Variants in RANGAP1 observed in about 807,000 individuals in gnomAD.
RANGAP1 encodes ran GTPase-activating protein 1.
Under a neutral mutation model 63.5 loss-of-function variants are expected in RANGAP1, and 38 were observed. The ratio of observed to expected loss-of-function variants is 0.60; its 90% CI spans 0.46 to 0.78. RANGAP1 has a LOEUF of 0.78. Among genes scored for constraint, RANGAP1 ranks in the 30% least tolerant of loss-of-function variants. The pLI, the probability that RANGAP1 is intolerant of heterozygous loss-of-function variation, is 0.00. For missense variants in RANGAP1, 630 were observed against 740.3 expected (o/e 0.85, Z 1.73); for synonymous variants, 329 against 310.5 (o/e 1.06, Z -0.63).
chr22:41,248,129 G>A (rs1383196347), intron 15 of RANGAP1, among the ~76,000 whole-genome samples: 1 of 136,922 alleles, frequency 7.3e-6, no homozygotes, highest in East Asian at 2.5e-4. Context: ...GCAAAGCTCG[G>A]CACTGCAGCA....
At chr22:41,297,356 T>C in the RANGAP1 span, among the ~76,000 whole-genome samples, 1 of 152,140 alleles carries the variant, frequency 6.6e-6, no homozygotes, top group African/African-American at 2.4e-5. Context: ...GGGAGGACAA[T>C]CAGCTTTACT....
intron 1 of RANGAP1, among the ~76,000 whole-genome samples, chr22:41,284,441 C>T (rs1227765990): frequency 6.6e-6 from 1 of 151,894 alleles, no homozygotes; most frequent in Admixed American, 6.6e-5. Context: ...GTGGCACATG[C>T]CTGTAATCCC....
At chr22:41,249,269 C>A (rs999114638) in intron 15 of RANGAP1, 61 bp downstream of exon 15, 1 of 1,526,692 alleles carries the variant, frequency 6.6e-7, no homozygotes, top group African/African-American at 1.4e-5. Context: ...CGGGCGCCTT[C>A]AGACCTGGCC....
chr22:41,249,546 A>G lies in RANGAP1; in HGVS notation c.1573-95T>C, dbSNP rs1447986723. On this transcript the variant is annotated intron_variant, in intron 14 of 15. Coordinates refer to ENST00000356244, the MANE Select transcript of RANGAP1 (RefSeq NM_002883.4). ...CCAGACTCTGCTGATAGTGCCCACA[A>G]CTGAGTCTAGCCGGAATCTCATCGT... 3.8e-6 allele frequency: 6 copies of G among 1,577,602 alleles called. No homozygotes were observed. In the African/African-American group the frequency reaches 6.7e-5, roughly 18 times the overall value.
chr22:41,278,515 ACGGTG>A (rs2145835459), intron 2 of RANGAP1, among the ~76,000 whole-genome samples: 1 of 152,362 alleles, frequency 6.6e-6, no homozygotes, highest in East Asian at 1.9e-4. Flanking sequence ...CTTATCTGAC[ACGGTG>A]TTCAATAAAT....
intron 2 of RANGAP1, among the ~76,000 whole-genome samples, chr22:41,276,034 C>G (rs575964764): frequency 6.6e-6 from 1 of 152,252 alleles, no homozygotes; most frequent in Non-Finnish European, 1.5e-5. Flanking sequence ...ATAGTTATAC[C>G]AGCACTGCTA....
rs2033814627 is a variant in RANGAP1 at position 41,256,109 on chromosome 22, C to A, written c.989-4G>T. On this transcript the variant is annotated splice_polypyrimidine_tract_variant and splice_region_variant and intron_variant, in intron 9 of 15. Transcript: ENST00000356244. ...CCTTCTTCTCCCAGGGTGTTGCCTGCTCAAGGGGAGGGAAGAGCAGTCAGC... is the reference window on the plus strand; with the variant it reads ...CCTTCTTCTCCCAGGGTGTTGCCTGATCAAGGGGAGGGAAGAGCAGTCAGC... 6.2e-7 allele frequency: 1 copy of A among 1,614,118 alleles called. No homozygotes were observed. Among genetic ancestry groups the A allele is most frequent in the Non-Finnish European group, 8.5e-7 (1 of 1,180,010 alleles).
At chr22:41,284,359 G>T (rs1374524234) in intron 1 of RANGAP1, among the ~76,000 whole-genome samples, 1 of 152,120 alleles carries the variant, frequency 6.6e-6, no homozygotes, top group Non-Finnish European at 1.5e-5. Context: ...CCTGAGGTCG[G>T]GAGTTCGAGA....
Position 41,249,578 on chromosome 22 carries a change from C to G in RANGAP1, c.1573-127G>C, listed in dbSNP as rs1347294904. On this transcript the variant is annotated intron_variant, in intron 14 of 15. Transcript: ENST00000356244. ...CTAGCCGGAATCTCATCGTGAAGACCAAGGCTGCTGGGGCAGACCCAGGCC... is the reference window on the plus strand; with the variant it reads ...CTAGCCGGAATCTCATCGTGAAGACGAAGGCTGCTGGGGCAGACCCAGGCC... 6 of 1,537,386 alleles carry G rather than the reference C, an allele frequency of 3.9e-6. No homozygotes were observed. In the African/African-American group the frequency reaches 6.8e-5, roughly 17 times the overall value.
intron 12 of RANGAP1, 43 bp from the exon 13 acceptor site, chr22:41,251,152 G>T: frequency 6.6e-7 from 1 of 1,525,606 alleles, no homozygotes. Context: ...GCACGTGGTG[G>T]AGAGGTACCT....
At chr22:41,250,242 C>G (rs1361240351) in intron 13 of RANGAP1, among the ~76,000 whole-genome samples, 1 of 152,234 alleles carries the variant, frequency 6.6e-6, no homozygotes, top group African/African-American at 2.4e-5. Context: ...CAAAAATGCC[C>G]ACAGGCGGGC....
the RANGAP1 span, among the ~76,000 whole-genome samples, chr22:41,294,154 T>C: frequency 6.6e-6 from 1 of 152,184 alleles, no homozygotes; most frequent in Non-Finnish European, 1.5e-5. Context: ...CCTCCCTGCC[T>C]GATTCTCCTG....
the RANGAP1 span, among the ~76,000 whole-genome samples, chr22:41,295,032 G>T: frequency 7.7e-5 from 11 of 142,132 alleles, no homozygotes; most frequent in Non-Finnish European, 1.6e-4. Flanking sequence ...AGGTGGGGGG[G>T]TCAGTCCCCC....
intron 6 of RANGAP1, among the ~76,000 whole-genome samples, chr22:41,259,730 C>A (rs1251568558): frequency 1.3e-5 from 2 of 152,150 alleles, no homozygotes; most frequent in African/African-American, 4.8e-5. Flanking sequence ...AAGCTGGGCG[C>A]AGTGGCTTAT....
chr22:41,299,231 C>T, the RANGAP1 span, among the ~76,000 whole-genome samples: 2 of 151,988 alleles, frequency 1.3e-5, no homozygotes, highest in Non-Finnish European at 2.9e-5. Context: ...TTCCCAGGTT[C>T]AAGCCATTCT....
chr22:41,293,991 A>G, the RANGAP1 span, among the ~76,000 whole-genome samples: 1 of 151,634 alleles, frequency 6.6e-6, no homozygotes, highest in African/African-American at 2.4e-5. Context: ...AAAACAAACA[A>G]ACAGCCCATC....
At chr22:41,249,623 C>T in intron 14 of RANGAP1, 106 bp downstream of exon 14, 1 of 1,525,192 alleles carries the variant, frequency 6.6e-7, no homozygotes, top group Non-Finnish European at 9.0e-7. Context: ...CGTGGGCGAG[C>T]CGGCTCAGGA....
At chr22:41,296,162 T>C in the RANGAP1 span, among the ~76,000 whole-genome samples, 1 of 152,080 alleles carries the variant, frequency 6.6e-6, no homozygotes, top group Admixed American at 6.6e-5. Flanking sequence ...AAAGCCATTG[T>C]ACATAGTGAT....
chr22:41,263,403 A>G, intron 5 of RANGAP1, among the ~76,000 whole-genome samples: 1 of 152,126 alleles, frequency 6.6e-6, no homozygotes. Context: ...TGTTTTTTTG[A>G]GACGGAGTTT....
Sources: gnomAD v4.1 joint callset for allele counts (sites outside exome capture counted in the v4.1 genomes callset) on GRCh38, gnomAD v4.1.1 for gene constraint, MANE v1.5 for transcripts, NCBI Gene and HGNC (gene_info 2026-07-23, HGNC 2026-07-21) for gene names.